Variants in PRKCB observed in about 807,000 individuals in gnomAD.
The protein encoded by PRKCB is protein kinase C beta type.
A neutral mutation model predicts 81.5 loss-of-function variants in PRKCB; 13 were observed. The observed-to-expected ratio is 0.16, with a 90% CI of 0.10 to 0.25. PRKCB has a LOEUF of 0.25. Ranked by LOEUF, PRKCB falls within the 10% of genes least tolerant of loss-of-function variation. The pLI is 1.00. For synonymous variants in PRKCB, 335 were observed against 321.4 expected (o/e 1.04, Z -0.45); for missense variants, 509 against 875.7 (o/e 0.58, Z 5.29).
chr16:24,017,617 G>A (rs1192428142), intron 3 of PRKCB, among the ~76,000 whole-genome samples: 1 of 152,132 alleles, frequency 6.6e-6, no homozygotes, highest in Non-Finnish European at 1.5e-5. Context: ...CATAGGTGAA[G>A]GGTTAATATC....
chr16:24,000,043 A>G (rs937100134), intron 3 of PRKCB, among the ~76,000 whole-genome samples: 2 of 152,224 alleles, frequency 1.3e-5, no homozygotes, highest in Non-Finnish European at 2.9e-5. Flanking sequence ...GCAAGAGAGC[A>G]TCTCCCAACA....
intron 2 of PRKCB, chr16:23,869,343 C>G (rs796341026): frequency 6.9e-6 from 2 of 291,128 alleles, no homozygotes; most frequent in South Asian, 5.9e-5. Context: ...TGCAGTGACA[C>G]GTAGCACGAG....
chr16:23,877,520 G>A (rs1038718381), intron 2 of PRKCB, among the ~76,000 whole-genome samples: 4 of 152,222 alleles, frequency 2.6e-5, no homozygotes, highest in Admixed American at 2.6e-4. Flanking sequence ...TAAAGCCCAT[G>A]GGTGTTCCCA....
At chr16:23,857,455 G>A (rs1038276428) in intron 2 of PRKCB, among the ~76,000 whole-genome samples, 1 of 152,168 alleles carries the variant, frequency 6.6e-6, no homozygotes, top group African/African-American at 2.4e-5. Flanking sequence ...CCCCATGGTG[G>A]GACTCTGCTG....
chr16:24,177,948 AG>A (rs1967560195), intron 12 of PRKCB, among the ~76,000 whole-genome samples: 1 of 152,150 alleles, frequency 6.6e-6, no homozygotes, highest in East Asian at 1.9e-4. Context: ...ATGGAAATAG[AG>A]TTCTTGAAAT....
chr16:23,849,891 C>T (rs562834183), intron 2 of PRKCB, among the ~76,000 whole-genome samples: 2 of 152,110 alleles, frequency 1.3e-5, no homozygotes, highest in African/African-American at 4.8e-5. Flanking sequence ...TTATTATTGA[C>T]TATGTTACCC....
At chr16:24,083,869 G>A (rs1282206481) in intron 5 of PRKCB, among the ~76,000 whole-genome samples, 2 of 152,002 alleles carry the variant, frequency 1.3e-5, no homozygotes, top group Admixed American at 1.3e-4. Flanking sequence ...AAATGTTATA[G>A]GCAGAAAATA....
At chr16:23,890,966 G>C (rs1963283754) in intron 2 of PRKCB, among the ~76,000 whole-genome samples, 1 of 151,652 alleles carries the variant, frequency 6.6e-6, no homozygotes, top group Non-Finnish European at 1.5e-5. Flanking sequence ...ATGCCTAGGG[G>C]AAAAAACTGA....
chr16:24,123,831 G>T lies in PRKCB; in HGVS notation c.919-4G>T. 6.2e-7 allele frequency: 1 copy of T among 1,611,918 alleles called. No individual in the cohort carries two copies. The highest frequency in any genetic ancestry group is 8.5e-7 in the Non-Finnish European group (1 of 1,179,436). On this transcript the variant is annotated splice_region_variant and splice_polypyrimidine_tract_variant and intron_variant, in intron 8 of 16. Coordinates refer to ENST00000643927, the MANE Select transcript of PRKCB (RefSeq NM_002738.7). ...CATGTTTTCTGTGTGCTTCCTTTTT[G>T]CAGAGGGCCAAGATCAGTCAGGGAA...
chr16:23,978,099 A>G (rs1964648540), intron 2 of PRKCB, among the ~76,000 whole-genome samples: 1 of 152,162 alleles, frequency 6.6e-6, no homozygotes, highest in Non-Finnish European at 1.5e-5. Context: ...AGCTGTAAAT[A>G]TTTGAGGCCG....
chr16:24,122,849 C>G (rs1350088790), intron 8 of PRKCB, among the ~76,000 whole-genome samples: 1 of 152,204 alleles, frequency 6.6e-6, no homozygotes, highest in East Asian at 1.9e-4. Flanking sequence ...CCACTCATGG[C>G]TTCCAGTTTT....
At chr16:23,985,183 C>T (rs1041249891) in intron 2 of PRKCB, among the ~76,000 whole-genome samples, 4 of 152,238 alleles carry the variant, frequency 2.6e-5, no homozygotes, top group African/African-American at 9.6e-5. Context: ...CCTCCGCCTC[C>T]TGGGTTCAAG....
intron 3 of PRKCB, among the ~76,000 whole-genome samples, chr16:24,021,130 C>CTTTCTTTCT (rs1596515540): frequency 2.0e-5 from 2 of 101,172 alleles, no homozygotes; most frequent in Non-Finnish European, 4.4e-5. Flanking sequence ...TCTTTCTTTC[C>CTTTCTTTCT]TTCCTTCCTT....
intron 2 of PRKCB, among the ~76,000 whole-genome samples, chr16:23,848,163 G>A (rs1310200490): frequency 6.6e-6 from 1 of 152,182 alleles, no homozygotes; most frequent in Non-Finnish European, 1.5e-5. Context: ...TCATATCAGA[G>A]GGGTTGGCCC....
intron 5 of PRKCB, among the ~76,000 whole-genome samples, chr16:24,046,004 A>G (rs1483630905): frequency 6.6e-6 from 1 of 152,224 alleles, no homozygotes; most frequent in South Asian, 2.1e-4. Context: ...ATCCTCTTTC[A>G]TTGGTGACCT....
intron 13 of PRKCB, among the ~76,000 whole-genome samples, 176 bp from the exon 14 acceptor site, chr16:24,184,935 C>A (rs183099299): frequency 8.5e-4 from 129 of 152,308 alleles, no homozygotes; most frequent in African/African-American, 3.1e-3. Context: ...GTGACAGCCA[C>A]AGGTGTTTGC....
chr16:24,062,181 T>C (rs182825055), intron 5 of PRKCB, among the ~76,000 whole-genome samples: 7 of 152,340 alleles, frequency 4.6e-5, no homozygotes, highest in Admixed American at 4.6e-4. Flanking sequence ...CTCTCAATTT[T>C]GTGGGTCTTC....
At position 24,021,325 on chromosome 16, in the gene PRKCB, T is replaced by C. The variant is rs193144993; in HGVS notation, c.289-10811T>C. On this transcript the variant is annotated intron_variant, in intron 3 of 16. Transcript: ENST00000643927. ...TTCCTTCCTTCCTTCCTTCCTTCCTTCCTTCCTTCCTTCCTTCCTTCCTTC... is the reference window on the plus strand; with the variant it reads ...TTCCTTCCTTCCTTCCTTCCTTCCTCCCTTCCTTCCTTCCTTCCTTCCTTC... Among the ~76,000 whole-genome samples, 110 of 44,526 alleles carry C rather than the reference T, an allele frequency of 2.5e-3. 2 individuals are homozygous for C. The highest frequency in any genetic ancestry group is 7.8e-3 in the East Asian group (10 of 1,274). The allele number at this position is 44,526 out of a possible 152,430, so 29.2% of individuals were successfully genotyped here. A position where few individuals can be genotyped will look rare whatever the true frequency, so the allele number is the denominator to read the frequency against.
chr16:24,185,023 TG>T, intron 13 of PRKCB, 87 bp from the exon 14 acceptor site: 1 of 1,104,322 alleles, frequency 9.1e-7, no homozygotes, highest in Non-Finnish European at 1.4e-6. Flanking sequence ...AGGTGGGCAC[TG>T]GCCTTCTTGT....
Sources: allele counts gnomAD v4.1 joint callset (sites outside exome capture counted in the v4.1 genomes callset), GRCh38; gene constraint gnomAD v4.1.1; transcripts MANE v1.5; gene names NCBI Gene and HGNC (gene_info 2026-07-23, HGNC 2026-07-21).